The following TMEM33 variants were observed in gnomAD, a reference collection of about 807,000 sequenced individuals.
TMEM33 encodes transmembrane protein 33.
Under a neutral mutation model 29.7 loss-of-function variants are expected in TMEM33, and 16 were observed. The ratio of observed to expected loss-of-function variants is 0.54; its 90% CI spans 0.36 to 0.82. The LOEUF (loss-of-function observed/expected upper bound fraction) is 0.82. TMEM33 is among the 40% of genes least tolerant of loss of function. The pLI, the probability that TMEM33 is intolerant of heterozygous loss-of-function variation, is 0.00. For synonymous variants in TMEM33, 112 were observed against 109.4 expected (o/e 1.02, Z -0.15); for missense variants, 252 against 295.3 (o/e 0.85, Z 1.08).
rs1246541624 is a variant in TMEM33 at position 41,935,516 on chromosome 4, G to A, written c.32G>A (p.Gly11Glu). 2 of 1,608,984 alleles carry A rather than the reference G, an allele frequency of 1.2e-6. No individual in the cohort carries two copies. The highest frequency in any genetic ancestry group is 1.7e-5 in the Admixed American group (1 of 59,150). ...GATACGACCCCGAACGGCCCCCAAGGGGCGGGCGCTGTGGTAAGTGCGAGG... is the reference window on the plus strand; with the variant it reads ...GATACGACCCCGAACGGCCCCCAAGAGGCGGGCGCTGTGGTAAGTGCGAGG... MADTTPNGPQ[G>E]AGAVQFMMTN... The change falls in exon 1 of 7, where the codon GGG (glycine) becomes GAG (glutamate). Residue 11 changes from glycine to glutamate, a missense_variant. Gly to Glu is a moderately conservative substitution (Grantham distance 98). Coordinates refer to ENST00000504986, the MANE Select transcript of TMEM33 (RefSeq NM_018126.3).
rs1713420780 is a variant in TMEM33, at chr4:41,960,348, G to T, written c.*6149G>T. ...CAGCAAGAATGATAAATTTGATGGTGTGAAATTGGAAGTATCAAGGGCTTT... is the reference window on the plus strand; with the variant it reads ...CAGCAAGAATGATAAATTTGATGGTTTGAAATTGGAAGTATCAAGGGCTTT... On this transcript the variant is annotated 3_prime_UTR_variant, in exon 7 of 7. Coordinates refer to ENST00000504986, the MANE Select transcript of TMEM33 (RefSeq NM_018126.3). 6.6e-6 allele frequency: 1 copy of T among 152,134 alleles called. No individual in the cohort carries two copies. Among genetic ancestry groups the T allele is most frequent in the Non-Finnish European group, 1.5e-5 (1 of 68,002 alleles). The allele number at this position is 152,134 out of a possible 1,614,324, so 9.4% of individuals were successfully genotyped here.
chr4:41,944,867 G>C lies in TMEM33; in HGVS notation c.471G>C (p.Leu157=). The C allele has an allele frequency of 6.2e-7, 1 of 1,613,432 alleles. No homozygotes were observed. Among genetic ancestry groups the C allele is most frequent in the Non-Finnish European group, 8.5e-7 (1 of 1,179,796 alleles). ...TAAGTGCTAATCAACAAAATATTCTGAAATTCATTGCTTGCAATGAAATAT... is the reference window on the plus strand; with the variant it reads ...TAAGTGCTAATCAACAAAATATTCTCAAATTCATTGCTTGCAATGAAATAT... ...DKLSANQQNI[L]KFIACNEIFL... is the part of the protein sequence containing the mutation. The change falls in exon 5 of 7, where the codon CTG becomes CTC. Residue 157 remains leucine (L), a synonymous_variant. Transcript: ENST00000504986.
chr4:41,937,558 C>T (rs2153126310), intron 1 of TMEM33, among the ~76,000 whole-genome samples: 1 of 151,654 alleles, frequency 6.6e-6, no homozygotes, highest in East Asian at 1.9e-4. Context: ...TTCAGGTAGA[C>T]CCATTAGTGA....
chr4:41,954,341 A>G lies in TMEM33; in HGVS notation c.*142A>G, dbSNP rs928932267. 1.0e-6 allele frequency: 1 copy of G among 969,974 alleles called. No homozygotes were observed. Among genetic ancestry groups the G allele is most frequent in the African/African-American group, 1.7e-5 (1 of 60,004 alleles). 60.1% of individuals were successfully genotyped at this position (969,974 alleles called of 1,614,324 possible). A position where few individuals can be genotyped will look rare whatever the true frequency, so the allele number is the denominator to read the frequency against. ...ATAAATGCATCTCGGTGGAAAAATA[A>G]TCATTTTCTTGGCATGTTAAATCAA... On this transcript the variant is annotated 3_prime_UTR_variant, in exon 7 of 7. Transcript: ENST00000504986.
At chr4:41,946,473 T>C (rs1163924782) in intron 5 of TMEM33, among the ~76,000 whole-genome samples, 1 of 152,220 alleles carries the variant, frequency 6.6e-6, no homozygotes, top group African/African-American at 2.4e-5. Context: ...AACAGAGTTT[T>C]ATAGATTTCC....
intron 3 of TMEM33, among the ~76,000 whole-genome samples, chr4:41,940,933 T>C (rs974986781): frequency 6.6e-6 from 1 of 152,112 alleles, no homozygotes; most frequent in Admixed American, 6.6e-5. Flanking sequence ...TTCCCACACA[T>C]TGGCTAGTAA....
At chr4:41,939,493 G>A in intron 3 of TMEM33, 110 bp downstream of exon 3, 1 of 1,163,912 alleles carries the variant, frequency 8.6e-7, no homozygotes, top group Non-Finnish European at 1.2e-6. Flanking sequence ...TTTGTTCTCG[G>A]CACTTCATTT....
chr4:41,954,499 C>A lies in TMEM33; in HGVS notation c.*300C>A. On this transcript the variant is annotated 3_prime_UTR_variant, in exon 7 of 7. Transcript: ENST00000504986. The stretch of plus-strand genomic sequence containing the variant: ...TATATCATGAAGTACATTAATTTCT[C>A]ATGTAAAAAAAATAGCTCTAAAATT... 1.1e-5 allele frequency: 2 copies of A among 179,124 alleles called. No homozygotes were observed. The highest frequency in any genetic ancestry group is 2.3e-5 in the Non-Finnish European group (2 of 85,450). 11.1% of individuals were successfully genotyped at this position (179,124 alleles called of 1,614,324 possible).
intron 5 of TMEM33, 86 bp from the exon 6 acceptor site, chr4:41,949,216 T>C: frequency 1.2e-6 from 1 of 809,140 alleles, no homozygotes; most frequent in South Asian, 1.8e-5. Flanking sequence ...GATACACATA[T>C]TCTCCAGTTG....
chr4:41,950,653 G>C (rs912387625), intron 6 of TMEM33, among the ~76,000 whole-genome samples: 4 of 152,018 alleles, frequency 2.6e-5, no homozygotes, highest in Admixed American at 6.6e-5. Context: ...TTCGTTCTTA[G>C]TGAGTCTCTA....
At chr4:41,941,866 T>C (rs1167626995) in intron 3 of TMEM33, among the ~76,000 whole-genome samples, 1 of 152,252 alleles carries the variant, frequency 6.6e-6, no homozygotes, top group East Asian at 1.9e-4. Context: ...TCACCTCTTA[T>C]CTTTTCTAAA....
intron 5 of TMEM33, among the ~76,000 whole-genome samples, chr4:41,946,682 G>T (rs919970858): frequency 6.6e-6 from 1 of 151,914 alleles, no homozygotes; most frequent in Non-Finnish European, 1.5e-5. Context: ...AAAAGAAAAG[G>T]GTAATGTAAT....
At chr4:41,935,626 T>C in intron 1 of TMEM33, 97 bp downstream of exon 1, 1 of 1,265,738 alleles carries the variant, frequency 7.9e-7, no homozygotes, top group Non-Finnish European at 1.1e-6. Context: ...GCTCAGTGCA[T>C]TCAGGAATGG....
intron 1 of TMEM33, among the ~76,000 whole-genome samples, chr4:41,935,987 C>T (rs981924456): frequency 4.6e-5 from 7 of 152,130 alleles, no homozygotes; most frequent in African/African-American, 1.7e-4. Flanking sequence ...TCTTTTTCTT[C>T]TTCACTTTGT....
Position 41,959,789 on chromosome 4 carries a change from A to C in TMEM33, c.*5590A>C, listed in dbSNP as rs2153128894. 1 of 152,362 alleles carries C rather than the reference A, an allele frequency of 6.6e-6. No individual in the cohort carries two copies. The highest frequency in any genetic ancestry group is 1.9e-4 in the East Asian group (1 of 5,190). The allele number at this position is 152,362 out of a possible 1,614,324, so 9.4% of individuals were successfully genotyped here. On this transcript the variant is annotated 3_prime_UTR_variant, in exon 7 of 7. Transcript: ENST00000504986. ...GTGTGTATATTGGAACAAATGTAAA[A>C]GGGTTACAAAGATTAGAAACAGAGT...
At chr4:41,944,134 AGT>A (rs755676631) in intron 4 of TMEM33, 19 of 290,480 alleles carry the variant, frequency 6.5e-5, no homozygotes, top group Admixed American at 4.6e-4. Flanking sequence ...TTGTTCTGTC[AGT>A]GTTTAATTCT....
At chr4:41,938,560 A>T in intron 1 of TMEM33, 42 bp from the exon 2 acceptor site, 1 of 1,555,906 alleles carries the variant, frequency 6.4e-7, no homozygotes, top group Non-Finnish European at 8.8e-7. Context: ...TAAAAACATG[A>T]TTTGCAGGCA....
rs557240203 is a variant in TMEM33, at chr4:41,947,649, A to G, written c.531-1653A>G. On this transcript the variant is annotated intron_variant, in intron 5 of 6. Transcript: ENST00000504986. ...GCTTATAAAGTGGTACTTAATTCCTATTAGGAAAAGCTGTTAATGCCTTAA... is the reference window on the plus strand; with the variant it reads ...GCTTATAAAGTGGTACTTAATTCCTGTTAGGAAAAGCTGTTAATGCCTTAA... Among the ~76,000 whole-genome samples, 32 of 152,314 alleles carry G rather than the reference A, an allele frequency of 2.1e-4. No individual in the cohort carries two copies. In the South Asian group the frequency reaches 5.8e-3, roughly 28 times the overall value.
chr4:41,940,123 G>GC (rs2153126607), intron 3 of TMEM33, among the ~76,000 whole-genome samples: 1 of 138,012 alleles, frequency 7.2e-6, no homozygotes, highest in African/African-American at 2.7e-5. Flanking sequence ...CTCCCAAAGT[G>GC]CTGGGATTAT....
Sources: gnomAD v4.1 joint callset for allele counts (sites outside exome capture counted in the v4.1 genomes callset) on GRCh38, gnomAD v4.1.1 for gene constraint, MANE v1.5 for transcripts, NCBI Gene and HGNC (gene_info 2026-07-23, HGNC 2026-07-21) for gene names.